FARS2: variants seen among roughly 807,000 people sequenced by gnomAD.
The protein encoded by FARS2 is phenylalanine--tRNA ligase, mitochondrial.
In FARS2, 40 loss-of-function variants were observed where a neutral mutation model predicts 46.4. That is an observed-to-expected ratio of 0.86 (90% confidence interval 0.67 to 1.12). The LOEUF (loss-of-function observed/expected upper bound fraction) is 1.12. Ranked by LOEUF, FARS2 falls within the 50% of genes most tolerant of loss-of-function variation. The pLI is 0.00. For synonymous variants in FARS2, 234 were observed against 214.9 expected (o/e 1.09, Z -0.78); for missense variants, 513 against 567.9 (o/e 0.90, Z 0.98).
At chr6:5,256,028 C>T in the FARS2 span, among the ~76,000 whole-genome samples, 47,841 of 151,510 alleles carry the variant, frequency 0.32, 9,807 homozygotes, top group African/African-American at 0.59. Flanking sequence ...ACAGTGGTGC[C>T]GACTACAGCC....
At chr6:5,431,683 C>T (rs753381406) in intron 4 of FARS2, 1 of 533,060 alleles carries the variant, frequency 1.9e-6, no homozygotes, top group Non-Finnish European at 3.8e-6. Context: ...CGCCACCTGA[C>T]TGAGAGAAAA....
chr6:5,721,522 C>CATTA (rs1759908571), intron 6 of FARS2, among the ~76,000 whole-genome samples: 1 of 151,984 alleles, frequency 6.6e-6, no homozygotes, highest in Admixed American at 6.6e-5. Flanking sequence ...ATGGATCATT[C>CATTA]ACTCTTTCAT....
In FARS2 at chr6:5,545,171, T is replaced by C; in HGVS notation, c.905-9T>C. On this transcript the variant is annotated splice_polypyrimidine_tract_variant and intron_variant, in intron 4 of 6. Transcript: ENST00000274680. The stretch of plus-strand genomic sequence containing the variant: ...TTTTAAAAACAACTATTTTGTTTCC[T>C]AATCACAGCTGGTGCTCAAGACCGA... The C allele has an allele frequency of 6.2e-7, 1 of 1,613,586 alleles. No individual in the cohort carries two copies. Among genetic ancestry groups the C allele is most frequent in the Non-Finnish European group, 8.5e-7 (1 of 1,179,652 alleles).
In FARS2 at chr6:5,548,439, A is replaced by G. The variant is rs548071415; in HGVS notation, c.1065+3099A>G. On this transcript the variant is annotated intron_variant, in intron 5 of 6. Coordinates refer to ENST00000274680, the MANE Select transcript of FARS2 (RefSeq NM_006567.5). The stretch of plus-strand genomic sequence containing the variant: ...AGGACTTTTAAAAACTTCTACTTGA[A>G]TAATTATCTGTTTTATTTTAGCATC... 7.2e-5 allele frequency among the ~76,000 whole-genome samples: 11 copies of G among 152,350 alleles called. No homozygotes were observed. The East Asian group carries it at 2.1e-3, about 29-fold the overall frequency.
At chr6:5,446,565 A>C (rs953289431) in intron 4 of FARS2, among the ~76,000 whole-genome samples, 1 of 152,116 alleles carries the variant, frequency 6.6e-6, no homozygotes, top group African/African-American at 2.4e-5. Context: ...CTGATGGGTA[A>C]ACTGCTCTGT....
In FARS2 at chr6:5,568,225, C is replaced by T. The variant is rs531019794; in HGVS notation, c.1065+22885C>T. Among the ~76,000 whole-genome samples, 16 of 152,202 alleles carry T rather than the reference C, an allele frequency of 1.1e-4. No individual in the cohort carries two copies. The East Asian group carries it at 2.3e-3, about 22-fold the overall frequency. ...TCTTGTAATATGCGGTTCTGATTCA[C>T]GTTCAACTGTCAACATAGCAAGGGG... On this transcript the variant is annotated intron_variant, in intron 5 of 6. Transcript: ENST00000274680.
intron 6 of FARS2, among the ~76,000 whole-genome samples, chr6:5,712,298 C>A (rs1223106676): frequency 6.6e-6 from 1 of 152,150 alleles, no homozygotes; most frequent in African/African-American, 2.4e-5. Context: ...TGAGTTACTT[C>A]ATTACAAAAA....
intron 4 of FARS2, among the ~76,000 whole-genome samples, chr6:5,537,866 A>C (rs1250181178): frequency 6.7e-6 from 1 of 149,304 alleles, no homozygotes; most frequent in Non-Finnish European, 1.5e-5. Flanking sequence ...CTCCTCCTCC[A>C]CTTTCTCCTC....
intron 4 of FARS2, among the ~76,000 whole-genome samples, chr6:5,493,446 T>C (rs1313167875): frequency 6.6e-6 from 1 of 152,170 alleles, no homozygotes; most frequent in Non-Finnish European, 1.5e-5. Flanking sequence ...AAAACATTGA[T>C]AGAACAAATG....
intron 1 of FARS2, among the ~76,000 whole-genome samples, chr6:5,303,197 C>T (rs1231592864): frequency 6.6e-6 from 1 of 152,148 alleles, no homozygotes; most frequent in African/African-American, 2.4e-5. Flanking sequence ...TGCTGCTTCC[C>T]TGGCAGGGAC....
intron 4 of FARS2, among the ~76,000 whole-genome samples, chr6:5,514,379 G>A (rs902508084): frequency 6.6e-6 from 1 of 152,178 alleles, no homozygotes; most frequent in Non-Finnish European, 1.5e-5. Context: ...TAGTCATTCT[G>A]TAATAGTAAT....
intron 1 of FARS2, among the ~76,000 whole-genome samples, chr6:5,278,180 C>T (rs899000912): frequency 1.3e-5 from 2 of 152,208 alleles, no homozygotes; most frequent in Non-Finnish European, 2.9e-5. Flanking sequence ...CTTGTGTGAT[C>T]TGTGAGTAAA....
intron 6 of FARS2, among the ~76,000 whole-genome samples, chr6:5,649,025 A>G (rs1243719737): frequency 1.3e-5 from 2 of 152,166 alleles, no homozygotes; most frequent in African/African-American, 4.8e-5. Flanking sequence ...GGAGCTCCTC[A>G]TTATTCTATT....
chr6:5,441,540 T>A (rs1017929591), intron 4 of FARS2, among the ~76,000 whole-genome samples: 9 of 152,264 alleles, frequency 5.9e-5, no homozygotes, highest in Non-Finnish European at 1.2e-4. Flanking sequence ...TAGGTTTTCA[T>A]GCATTAGTGT....
chr6:5,582,561 G>A (rs1025799182), intron 5 of FARS2, among the ~76,000 whole-genome samples: 2 of 152,154 alleles, frequency 1.3e-5, no homozygotes, highest in Admixed American at 1.3e-4. Context: ...TGGCCCATAC[G>A]AAATTGCTTT....
At chr6:5,749,364 G>A (rs1341354046) in intron 6 of FARS2, among the ~76,000 whole-genome samples, 2 of 152,254 alleles carry the variant, frequency 1.3e-5, no homozygotes, top group Admixed American at 6.5e-5. Context: ...CTCACCAGCT[G>A]TGGTGGGGAT....
intron 6 of FARS2, among the ~76,000 whole-genome samples, chr6:5,665,910 T>G (rs1221909175): frequency 6.6e-6 from 1 of 152,112 alleles, no homozygotes; most frequent in Admixed American, 6.5e-5. Context: ...CCACCCTTCC[T>G]TGAGTGGGAG....
chr6:5,315,716 C>CTT (rs369017393), intron 1 of FARS2, among the ~76,000 whole-genome samples: 2 of 28,278 alleles, frequency 7.1e-5, no homozygotes, highest in Admixed American at 3.5e-4. Context: ...ATATTGATTT[C>CTT]TCTTTCTTTC....
intron 4 of FARS2, among the ~76,000 whole-genome samples, chr6:5,440,915 CTTTCTTTTTTTTTT>C (rs1223391412): frequency 1.6e-5 from 2 of 127,556 alleles, no homozygotes; most frequent in Non-Finnish European, 3.5e-5. Context: ...AGTCCATTTT[CTTTCTTTTTTTTTT>C]TTTCTTTTTT....
Sources: allele counts gnomAD v4.1 joint callset (sites outside exome capture counted in the v4.1 genomes callset), GRCh38; gene constraint gnomAD v4.1.1; transcripts MANE v1.5; gene names NCBI Gene and HGNC (gene_info 2026-07-23, HGNC 2026-07-21).